The following GPAM variants were observed in gnomAD, a reference collection of about 807,000 sequenced individuals.
GPAM encodes the protein glycerol-3-phosphate acyltransferase 1, mitochondrial.
A neutral mutation model predicts 105.0 loss-of-function variants in GPAM; 56 were observed. That is an observed-to-expected ratio of 0.53 (90% CI 0.43 to 0.67). GPAM has a LOEUF of 0.67. Ranked by LOEUF, GPAM falls within the 30% of genes least tolerant of loss-of-function variation. The pLI is 0.00. For missense variants in GPAM, 855 were observed against 989.8 expected, an observed-to-expected ratio of 0.86 and a Z score of 1.83; for synonymous variants, 368 against 354.4, an observed-to-expected ratio of 1.04 and a Z score of -0.43.
upstream of GPAM, among the ~76,000 whole-genome samples, chr10:112,218,367 A>AAGG (rs1847991134): frequency 6.6e-6 from 1 of 152,194 alleles, no homozygotes; most frequent in Non-Finnish European, 1.5e-5. Context: ...GATGGAGAGG[A>AAGG]CTTCACTGAA....
At chr10:112,196,732 T>C (rs904870402) in intron 1 of GPAM, among the ~76,000 whole-genome samples, 2 of 152,232 alleles carry the variant, frequency 1.3e-5, no homozygotes, top group African/African-American at 2.4e-5. Context: ...TATTAGAGAA[T>C]AGGCTTTTCA....
chr10:112,213,436 A>G (rs1847934769), intron 1 of GPAM, among the ~76,000 whole-genome samples: 1 of 152,138 alleles, frequency 6.6e-6, no homozygotes, highest in South Asian at 2.1e-4. Context: ...ACACTCCATC[A>G]ATGTTAGCCA....
chr10:112,163,104 C>G (rs1297679018), intron 14 of GPAM, among the ~76,000 whole-genome samples: 1 of 152,164 alleles, frequency 6.6e-6, no homozygotes, highest in Non-Finnish European at 1.5e-5. Context: ...AAAGCAGCCT[C>G]CACAACAGTA....
chr10:112,173,046 A>G lies in GPAM; in HGVS notation c.581T>C (p.Leu194Pro). ...AMIRLTGWVL[L>P]KLFNSFFWNI... is the part of the protein sequence containing the mutation. Reference sequence around the variant, plus strand: ...CCAAAAGAAGCTGTTGAACAGTTTTAGCAGCACCCACCCAGTCAGTCTGAA... The same window carrying G: ...CCAAAAGAAGCTGTTGAACAGTTTTGGCAGCACCCACCCAGTCAGTCTGAA... Residue 194 changes from leucine (L) to proline (P), a missense_variant, in exon 8 of 22, where the codon CTA (leucine) becomes CCA (proline). By Grantham distance (98) the Leu-to-Pro change is moderately conservative. Transcript: ENST00000348367. 1 of 1,602,406 alleles carries G rather than the reference A, an allele frequency of 6.2e-7. No individual in the cohort carries two copies. Among genetic ancestry groups the G allele is most frequent in the South Asian group, 1.1e-5 (1 of 90,820 alleles).
At chr10:112,200,018 A>C (rs577843808) in intron 1 of GPAM, among the ~76,000 whole-genome samples, 3 of 152,036 alleles carry the variant, frequency 2.0e-5, no homozygotes, top group Non-Finnish European at 2.9e-5. Flanking sequence ...CAACTAAATC[A>C]AAAAAGAATC....
chr10:112,168,578 G>A (rs968060544), intron 10 of GPAM, 54 bp from the exon 11 acceptor site: 1 of 1,192,184 alleles, frequency 8.4e-7, no homozygotes, highest in South Asian at 1.2e-5. Context: ...AACTTAGAAT[G>A]AGCTCAGAAA....
chr10:112,177,030 T>C (rs939321080), intron 5 of GPAM, among the ~76,000 whole-genome samples: 2 of 152,188 alleles, frequency 1.3e-5, no homozygotes, highest in African/African-American at 4.8e-5. Context: ...TAGGATCTTA[T>C]CATCTTATCA....
chr10:112,213,222 G>A (rs1367114203), intron 1 of GPAM, among the ~76,000 whole-genome samples: 5 of 152,146 alleles, frequency 3.3e-5, no homozygotes, highest in Admixed American at 6.5e-5. Flanking sequence ...CAGCCCTAGA[G>A]TGGTCATGAT....
intron 17 of GPAM, 97 bp from the exon 18 acceptor site, chr10:112,158,490 A>G: frequency 3.9e-6 from 3 of 778,294 alleles, no homozygotes; most frequent in African/African-American, 1.7e-5. Flanking sequence ...AAAGCCTTCC[A>G]TTCTGTTACC....
chr10:112,218,712 T>C (rs886851752), upstream of GPAM, among the ~76,000 whole-genome samples: 1 of 152,218 alleles, frequency 6.6e-6, no homozygotes, highest in African/African-American at 2.4e-5. Context: ...AAACAAGGGA[T>C]GGATTATTCA....
At chr10:112,225,747 A>T in the GPAM span, among the ~76,000 whole-genome samples, 1 of 152,128 alleles carries the variant, frequency 6.6e-6, no homozygotes, top group South Asian at 2.1e-4. Context: ...CCTCCATTAC[A>T]TGAATCATCA....
chr10:112,226,576 C>G, the GPAM span, among the ~76,000 whole-genome samples: 1 of 152,088 alleles, frequency 6.6e-6, no homozygotes, highest in Admixed American at 6.5e-5. Context: ...AAAGTGGGAC[C>G]AGGGGGCCAA....
At chr10:112,189,278 G>T (rs1462934820) in intron 1 of GPAM, among the ~76,000 whole-genome samples, 4 of 151,988 alleles carry the variant, frequency 2.6e-5, no homozygotes, top group Non-Finnish European at 2.9e-5. Flanking sequence ...TATTTATTCA[G>T]TATATATTTA....
chr10:112,218,950 T>C (rs1847996128), upstream of GPAM, among the ~76,000 whole-genome samples: 1 of 152,236 alleles, frequency 6.6e-6, no homozygotes, highest in African/African-American at 2.4e-5. Context: ...GCCCGCGTCT[T>C]TACTGCATCC....
At chr10:112,192,969 G>A (rs1376205270) in intron 1 of GPAM, among the ~76,000 whole-genome samples, 1 of 152,192 alleles carries the variant, frequency 6.6e-6, no homozygotes, top group African/African-American at 2.4e-5. Flanking sequence ...AGTAGGTTTT[G>A]TTAGCTACCC....
Position 112,175,632 on chromosome 10 carries a change from G to T in GPAM, c.381C>A (p.Thr127=), listed in dbSNP as rs200096548. ...ERDVHKGMFA[T]NVTENVLNSS... ...TGTTCAGCACATTTTCAGTCACATT[G>T]GTGGCAAACATGCCCTTATGCACAT... The change falls in exon 6 of 22, where the codon ACC becomes ACA. Residue 127 remains threonine (T), a synonymous_variant. Coordinates refer to ENST00000348367, the MANE Select transcript of GPAM (RefSeq NM_001244949.2). 1.2e-6 allele frequency: 2 copies of T among 1,609,822 alleles called. No individual in the cohort carries two copies. Among genetic ancestry groups the T allele is most frequent in the African/African-American group, 2.7e-5 (2 of 74,782 alleles).
At chr10:112,215,244 A>G (rs1169996326) in exon 1 of GPAM, 1 of 152,176 alleles carries the variant, frequency 6.6e-6, no homozygotes, top group Non-Finnish European at 1.5e-5. Context: ...GACTCTGGAG[A>G]AGACAGTCCC....
intron 17 of GPAM, 96 bp from the exon 18 acceptor site, chr10:112,158,489 C>T: frequency 1.3e-6 from 1 of 777,690 alleles, no homozygotes; most frequent in Non-Finnish European, 2.3e-6. Flanking sequence ...CAAAGCCTTC[C>T]ATTCTGTTAC....
chr10:112,153,594 G>A lies in GPAM; in HGVS notation c.2443C>T (p.Arg815Ter), dbSNP rs1347136245. ...AGAATATATTCTAGAAGTTTTTGTC[G>A]GTTGCATTGAGGTAGAAAAGTGCTG... Reference protein sequence around the residue: ...LSSTFLPQCNRQKLLEYILSF... With the variant: ...LSSTFLPQCN The change falls in exon 22 of 22, where the codon CGA becomes TGA. Residue 815 changes from arginine to a stop codon, truncating the protein, a stop_gained. Transcript: ENST00000348367. LOFTEE classifies it high-confidence loss of function. 3.1e-6 allele frequency: 5 copies of A among 1,613,932 alleles called. No individual in the cohort carries two copies. Among genetic ancestry groups the A allele is most frequent in the Non-Finnish European group, 3.4e-6 (4 of 1,179,916 alleles).
Sources: allele counts gnomAD v4.1 joint callset (sites outside exome capture counted in the v4.1 genomes callset), GRCh38; gene constraint gnomAD v4.1.1; transcripts MANE v1.5; gene names NCBI Gene and HGNC (gene_info 2026-07-23, HGNC 2026-07-21).